ACYP2: variants seen among roughly 807,000 people sequenced by gnomAD.
ACYP2 encodes acylphosphatase 2.
In ACYP2, 12 loss-of-function variants were observed where a neutral mutation model predicts 11.2. That is an observed-to-expected ratio of 1.08 (90% CI 0.69 to 1.74). The LOEUF is 1.74. Among genes scored for constraint, ACYP2 ranks in the 40% most tolerant of loss-of-function variants. ACYP2 has a pLI of 0.00. For missense variants in ACYP2, 134 were observed against 101.9 expected (o/e 1.31, Z -1.35); for synonymous variants, 43 against 32.2 (o/e 1.33, Z -1.13).
intron 6 of ACYP2, among the ~76,000 whole-genome samples, chr2:54,226,770 A>T (rs763845451): frequency 6.6e-6 from 1 of 152,224 alleles, no homozygotes; most frequent in Non-Finnish European, 1.5e-5. Flanking sequence ...ACAACAAATC[A>T]ACATTTATCA....
chr2:54,184,184 A>G (rs1683872269), intron 6 of ACYP2, among the ~76,000 whole-genome samples: 2 of 152,206 alleles, frequency 1.3e-5, no homozygotes, highest in Admixed American at 1.3e-4. Context: ...CGGTAATACA[A>G]CATTTAGAAA....
intron 4 of ACYP2, among the ~76,000 whole-genome samples, chr2:54,119,633 T>G (rs923652180): frequency 9.9e-5 from 15 of 152,224 alleles, no homozygotes; most frequent in Non-Finnish European, 2.1e-4. Context: ...TATGGAAAAT[T>G]GATCAATGAA....
At position 54,204,453 on chromosome 2, in the gene ACYP2, G is replaced by A. The variant is rs1219027275; in HGVS notation, c.404+65705G>A. 2.6e-5 allele frequency among the ~76,000 whole-genome samples: 4 copies of A among 152,206 alleles called. No homozygotes were observed. In the East Asian group the frequency reaches 7.7e-4, roughly 29 times the overall value. ...TGGATTATATCTTGCCTGGACACAA[G>A]ATTCTTGGAATGCAGTCCTTTTTTC... On this transcript the variant is annotated intron_variant, in intron 6 of 6. Coordinates refer to ENST00000607452, the MANE Select transcript of ACYP2 (RefSeq NM_001320586.2).
At chr2:54,268,085 G>C (rs7579722) in intron 6 of ACYP2, among the ~76,000 whole-genome samples, 25,376 of 152,134 alleles carry the variant, frequency 0.17, 2,174 homozygotes, top group African/African-American at 0.23. Flanking sequence ...GGAAAGCCTT[G>C]ATTTTCTGCC....
intron 2 of ACYP2, among the ~76,000 whole-genome samples, chr2:54,012,858 G>C (rs1020307925): frequency 6.6e-6 from 1 of 152,042 alleles, no homozygotes; most frequent in East Asian, 1.9e-4. Flanking sequence ...CTCGTTCAGA[G>C]TGAAAGCTGG....
At chr2:54,001,133 T>C (rs1007418045) in intron 2 of ACYP2, among the ~76,000 whole-genome samples, 3 of 152,116 alleles carry the variant, frequency 2.0e-5, no homozygotes, top group East Asian at 3.9e-4. Context: ...GGCAGGAGGA[T>C]TGATTGAGGT....
chr2:54,262,159 T>G (rs1687808514), intron 6 of ACYP2, among the ~76,000 whole-genome samples: 1 of 152,234 alleles, frequency 6.6e-6, no homozygotes, highest in Non-Finnish European at 1.5e-5. Context: ...CCAGAGTGTT[T>G]CAGCCAGGGG....
chr2:54,066,390 T>C (rs1676749845), intron 4 of ACYP2, among the ~76,000 whole-genome samples: 1 of 152,248 alleles, frequency 6.6e-6, no homozygotes, highest in South Asian at 2.1e-4. Context: ...CAATTAAACC[T>C]GTTTCCTTTA....
chr2:54,009,168 T>A (rs1673231058), intron 2 of ACYP2, among the ~76,000 whole-genome samples: 1 of 150,682 alleles, frequency 6.6e-6, no homozygotes, highest in African/African-American at 2.5e-5. Flanking sequence ...AAAAAAAAAT[T>A]CAGACAGCAA....
intron 6 of ACYP2, chr2:54,255,939 G>T (rs1458234378): frequency 6.2e-7 from 1 of 1,614,014 alleles, no homozygotes; most frequent in Non-Finnish European, 8.5e-7. Flanking sequence ...CCAAGATGTG[G>T]AAAGTATGGC....
chr2:54,106,353 C>T (rs771054688), intron 4 of ACYP2, among the ~76,000 whole-genome samples: 8 of 151,790 alleles, frequency 5.3e-5, no homozygotes, highest in Admixed American at 2.6e-4. Context: ...TGTGAACCAC[C>T]GTTCCCAGAC....
chr2:54,239,015 C>A (rs1053219295), intron 6 of ACYP2, among the ~76,000 whole-genome samples: 3 of 151,948 alleles, frequency 2.0e-5, no homozygotes, highest in Non-Finnish European at 4.4e-5. Flanking sequence ...CTCTGGTCTT[C>A]TAAATGTCTT....
intron 6 of ACYP2, among the ~76,000 whole-genome samples, chr2:54,215,403 T>C (rs1685519434): frequency 6.6e-6 from 1 of 152,210 alleles, no homozygotes; most frequent in African/African-American, 2.4e-5. Context: ...ATGGCTCTTA[T>C]TATTTTGAAG....
chr2:53,999,596 C>T (rs891690145), intron 2 of ACYP2, among the ~76,000 whole-genome samples: 2 of 152,222 alleles, frequency 1.3e-5, no homozygotes, highest in East Asian at 3.9e-4. Flanking sequence ...ATAGGAGAGA[C>T]GCTGCTAGGA....
chr2:54,263,795 C>T (rs1687888333), intron 6 of ACYP2, among the ~76,000 whole-genome samples: 1 of 152,080 alleles, frequency 6.6e-6, no homozygotes, highest in Admixed American at 6.5e-5. Flanking sequence ...AATAAATATA[C>T]CAGAATTTCA....
intron 6 of ACYP2, among the ~76,000 whole-genome samples, chr2:54,162,662 TA>T (rs1286273483): frequency 1.3e-5 from 2 of 151,956 alleles, no homozygotes; most frequent in East Asian, 1.9e-4. Context: ...GGAACCTACA[TA>T]AAAAAATTTC....
chr2:53,983,754 G>A (rs1671877721), intron 2 of ACYP2, among the ~76,000 whole-genome samples: 1 of 152,102 alleles, frequency 6.6e-6, no homozygotes, highest in South Asian at 2.1e-4. Context: ...GGAAGTTGAA[G>A]GGGTGACAGC....
intron 2 of ACYP2, among the ~76,000 whole-genome samples, chr2:54,024,322 C>T (rs549609458): frequency 3.3e-5 from 5 of 152,160 alleles, no homozygotes; most frequent in South Asian, 2.1e-4. Context: ...GCCGAGATCC[C>T]GTCACTGTAC....
intron 6 of ACYP2, among the ~76,000 whole-genome samples, chr2:54,192,682 C>T (rs996526452): frequency 6.6e-6 from 1 of 152,030 alleles, no homozygotes; most frequent in African/African-American, 2.4e-5. Flanking sequence ...TTAGTCTGTT[C>T]TCACACTGCT....
Sources: allele counts gnomAD v4.1 joint callset (sites outside exome capture counted in the v4.1 genomes callset), GRCh38; gene constraint gnomAD v4.1.1; transcripts MANE v1.5; gene names NCBI Gene and HGNC (gene_info 2026-07-23, HGNC 2026-07-21).